The following EPHB2 variants were observed in gnomAD, a reference collection of about 807,000 sequenced individuals.
EPHB2 encodes ephrin type-B receptor 2.
EPHB2 carries 18 observed loss-of-function variants against 96.4 expected under a neutral mutation model. That is an observed-to-expected ratio of 0.19 (90% CI 0.13 to 0.28). The LOEUF is 0.28. Among genes scored for constraint, EPHB2 ranks in the 10% least tolerant of loss-of-function variants. EPHB2 has a pLI of 1.00. For synonymous variants in EPHB2, 506 were observed against 534.1 expected, an observed-to-expected ratio of 0.95 and a Z score of 0.72; for missense variants, 989 against 1,355.4, an observed-to-expected ratio of 0.73 and a Z score of 4.25.
intron 3 of EPHB2, chr1:22,800,235 G>C (rs186726244): frequency 1.3e-5 from 2 of 152,306 alleles, no homozygotes; most frequent in Admixed American, 6.5e-5. Context: ...GTGCACTAGC[G>C]TACCCACTGA....
intron 3 of EPHB2, among the ~76,000 whole-genome samples, chr1:22,814,293 A>G (rs546485388): frequency 4.0e-4 from 61 of 152,192 alleles, no homozygotes; most frequent in Admixed American, 7.9e-4. Context: ...CTAGTAGGGC[A>G]CTGGGTCCAG....
chr1:22,892,759 G>T lies in EPHB2; in HGVS notation c.1429-125G>T. On this transcript the variant is annotated intron_variant, in intron 6 of 15. Coordinates refer to ENST00000374630, the MANE Select transcript of EPHB2 (RefSeq NM_017449.5). ...AATTCTATTAAAGGGAGGGGATGAA[G>T]AATTGGGAACCATAGATGTTTATCC... The T allele has an allele frequency of 1.1e-5, 13 of 1,222,754 alleles. No homozygotes were observed. In the Middle Eastern group the frequency reaches 5.7e-4, roughly 53 times the overall value. The allele number at this position is 1,222,754 out of a possible 1,614,324, so 75.7% of individuals were successfully genotyped here. A position where few individuals can be genotyped will look rare whatever the true frequency, so the allele number is the denominator to read the frequency against.
intron 3 of EPHB2, among the ~76,000 whole-genome samples, chr1:22,832,557 A>C (rs1372506627): frequency 6.6e-6 from 1 of 151,812 alleles, no homozygotes; most frequent in East Asian, 1.9e-4. Flanking sequence ...ATTGTCATGG[A>C]GTGGGCCATC....
intron 1 of EPHB2, among the ~76,000 whole-genome samples, chr1:22,732,161 T>C (rs1237640032): frequency 6.6e-6 from 1 of 152,126 alleles, no homozygotes; most frequent in Non-Finnish European, 1.5e-5. Context: ...CAGTGGGAAT[T>C]AGAGGGCCTG....
At chr1:22,715,621 A>G (rs564039386) in intron 1 of EPHB2, among the ~76,000 whole-genome samples, 2 of 152,332 alleles carry the variant, frequency 1.3e-5, no homozygotes, top group African/African-American at 4.8e-5. Context: ...TAAAACCTAA[A>G]TGTTGTAGAA....
At chr1:22,886,522 C>A (rs140493985) in intron 6 of EPHB2, among the ~76,000 whole-genome samples, 1 of 151,620 alleles carries the variant, frequency 6.6e-6, no homozygotes, top group Non-Finnish European at 1.5e-5. Context: ...ACACAGGGAG[C>A]GCCTGTACAG....
In EPHB2 at chr1:22,791,448, TTTCTTTCTTTC is replaced by T. The variant is rs1557676756; in HGVS notation, c.811+6375_811+6385del. The stretch of plus-strand genomic sequence containing the variant: ...CTTCTGCTTAAATTACATGGGTTTC[TTTCTTTCTTTC>T]TTTCTTTCTTTCTTTTTTTTTTTTT... On this transcript the variant is annotated intron_variant, in intron 3 of 15. Coordinates refer to ENST00000374630, the MANE Select transcript of EPHB2 (RefSeq NM_017449.5). 3.5e-5 allele frequency among the ~76,000 whole-genome samples: 5 copies of T among 141,430 alleles called. No individual in the cohort carries two copies. In the East Asian group the frequency reaches 6.8e-4, roughly 19 times the overall value. 92.8% of individuals were successfully genotyped at this position (141,430 alleles called of 152,430 possible).
intron 3 of EPHB2, among the ~76,000 whole-genome samples, chr1:22,788,747 G>GTTTT (rs1302258024): frequency 1.4e-4 from 13 of 90,740 alleles, no homozygotes; most frequent in East Asian, 5.5e-4. Context: ...TTTGTCTTTT[G>GTTTT]TTTTTGTTTT....
chr1:22,831,679 T>G (rs978938350), intron 3 of EPHB2, among the ~76,000 whole-genome samples: 3 of 151,944 alleles, frequency 2.0e-5, no homozygotes, highest in Non-Finnish European at 4.4e-5. Context: ...CAAGAGTTGT[T>G]GGAGATGATT....
rs1373640184 is a variant in EPHB2, at chr1:22,916,617, AC to A, written c.*3050del. On this transcript the variant is annotated 3_prime_UTR_variant, in exon 16 of 16. Transcript: ENST00000374630. The surrounding 1 kb of genome is among the most constrained non-coding windows in gnomAD (Gnocchi z 4.2). ...CGCCTTCCACTTACACCACCCGCTCACCCAGGCACACAGCTCTGAGCCACCC... is the reference window on the plus strand; with the variant it reads ...CGCCTTCCACTTACACCACCCGCTCACCAGGCACACAGCTCTGAGCCACCC... 1 of 151,408 alleles carries A rather than the reference AC, an allele frequency of 6.6e-6. No individual in the cohort carries two copies. Among genetic ancestry groups the A allele is most frequent in the East Asian group, 2.0e-4 (1 of 5,122 alleles). The allele number at this position is 151,408 out of a possible 1,614,324, so 9.4% of individuals were successfully genotyped here.
At chr1:22,715,671 A>G (rs956447667) in intron 1 of EPHB2, among the ~76,000 whole-genome samples, 1 of 152,158 alleles carries the variant, frequency 6.6e-6, no homozygotes, top group African/African-American at 2.4e-5. Context: ...TCATTTCTCC[A>G]TCCATCCATA....
intron 3 of EPHB2, among the ~76,000 whole-genome samples, chr1:22,801,121 C>T (rs563000727): frequency 1.2e-4 from 19 of 152,346 alleles, no homozygotes; most frequent in Admixed American, 2.6e-4. Flanking sequence ...GGCCATTTCC[C>T]GTCATTTCCT....
chr1:22,736,549 A>G (rs1643832714), intron 1 of EPHB2, among the ~76,000 whole-genome samples: 1 of 152,106 alleles, frequency 6.6e-6, no homozygotes, highest in Admixed American at 6.5e-5. Context: ...GGAGCCTGGG[A>G]GCCTCGGTGG....
chr1:22,768,693 T>TAA (rs796407924), intron 1 of EPHB2, among the ~76,000 whole-genome samples: 1 of 138,574 alleles, frequency 7.2e-6, no homozygotes, highest in African/African-American at 2.6e-5. Context: ...CTGTCTCCAT[T>TAA]AAAAAAAAAA....
chr1:22,849,262 C>T (rs574309060), intron 3 of EPHB2, among the ~76,000 whole-genome samples: 1 of 152,276 alleles, frequency 6.6e-6, no homozygotes, highest in East Asian at 1.9e-4. Context: ...GCAGAAAGGC[C>T]TTTTCTGCCC....
At position 22,848,400 on chromosome 1, in the gene EPHB2, G is replaced by T. The variant is rs7521813; in HGVS notation, c.812-14637G>T. Among the ~76,000 whole-genome samples, 4 of 152,286 alleles carry T rather than the reference G, an allele frequency of 2.6e-5. No individual in the cohort carries two copies. The East Asian group carries it at 7.7e-4, about 29-fold the overall frequency. On this transcript the variant is annotated intron_variant, in intron 3 of 15. Coordinates refer to ENST00000374630, the MANE Select transcript of EPHB2 (RefSeq NM_017449.5). Reference sequence around the variant, plus strand: ...TGAGATGGCCTGTCCACTATCGCTCGGTGGACCTCCTTAAAATGTGGAGCC... The same window carrying T: ...TGAGATGGCCTGTCCACTATCGCTCTGTGGACCTCCTTAAAATGTGGAGCC...
In EPHB2 at chr1:22,860,470, G is replaced by A. The variant is rs1246312294; in HGVS notation, c.812-2567G>A. On this transcript the variant is annotated intron_variant, in intron 3 of 15. Transcript: ENST00000374630. The surrounding 1 kb of genome is among the most constrained non-coding windows in gnomAD (Gnocchi z 4.6). ...AACCTGGCCAGGCAACAGAGCAAAT[G>A]AAGGGCGGCTTAGGGCAGGGGCAGC... 2.0e-5 allele frequency among the ~76,000 whole-genome samples: 3 copies of A among 152,188 alleles called. No individual in the cohort carries two copies. Among genetic ancestry groups the A allele is most frequent in the African/African-American group, 7.2e-5 (3 of 41,444 alleles).
intron 1 of EPHB2, among the ~76,000 whole-genome samples, chr1:22,723,868 ATAG>A (rs1411012375): frequency 2.6e-5 from 4 of 152,344 alleles, no homozygotes; most frequent in South Asian, 2.1e-4. Flanking sequence ...GGCAATAATA[ATAG>A]TAGTAATAAT....
At chr1:22,741,187 C>T (rs1643897681) in intron 1 of EPHB2, among the ~76,000 whole-genome samples, 1 of 152,084 alleles carries the variant, frequency 6.6e-6, no homozygotes, top group African/African-American at 2.4e-5. Flanking sequence ...GACCCCTATC[C>T]TCTGATTCTA....
Sources: allele counts gnomAD v4.1 joint callset (sites outside exome capture counted in the v4.1 genomes callset), GRCh38; gene constraint gnomAD v4.1.1; non-coding constraint Gnocchi (gnomAD v3.1); transcripts MANE v1.5; gene names NCBI Gene and HGNC (gene_info 2026-07-23, HGNC 2026-07-21).